Variants in COL25A1 observed in about 807,000 individuals in gnomAD.
COL25A1 encodes collagen alpha-1(XXV) chain.
COL25A1 carries 103 observed loss-of-function variants against 128.4 expected under a neutral mutation model. The observed-to-expected ratio is 0.80, with a 90% CI of 0.68 to 0.94. COL25A1 has a LOEUF of 0.94. COL25A1 is among the 40% of genes least tolerant of loss of function. The probability of loss-of-function intolerance (pLI) is 0.00; values close to 1 mark genes in which losing one functional copy is unlikely to be tolerated. For synonymous variants in COL25A1, 279 were observed against 277.2 expected (o/e 1.01, Z -0.06); for missense variants, 745 against 840.0 (o/e 0.89, Z 1.40).
chr4:108,935,016 C>A (rs1206255474), intron 11 of COL25A1, among the ~76,000 whole-genome samples: 1 of 152,184 alleles, frequency 6.6e-6, no homozygotes, highest in East Asian at 1.9e-4. Flanking sequence ...CCCTCCTTCA[C>A]AGATGAGAAA....
intron 3 of COL25A1, among the ~76,000 whole-genome samples, chr4:109,249,683 C>T (rs995291866): frequency 9.9e-5 from 15 of 152,120 alleles, no homozygotes; most frequent in African/African-American, 3.6e-4. Flanking sequence ...CCTACTTAAG[C>T]TTTCTAGATG....
intron 3 of COL25A1, among the ~76,000 whole-genome samples, chr4:109,282,989 G>T (rs1723526844): frequency 6.6e-6 from 1 of 150,954 alleles, no homozygotes; most frequent in Non-Finnish European, 1.5e-5. Context: ...AAGAAAAAAA[G>T]GATAAAGATC....
intron 6 of COL25A1, among the ~76,000 whole-genome samples, chr4:108,985,282 C>T (rs1468358959): frequency 6.6e-6 from 1 of 152,194 alleles, no homozygotes; most frequent in Non-Finnish European, 1.5e-5. Context: ...CTTTTTCTCA[C>T]TTGTCTCTTC....
At chr4:109,010,744 A>C (rs1261318156) in intron 5 of COL25A1, among the ~76,000 whole-genome samples, 1 of 152,222 alleles carries the variant, frequency 6.6e-6, no homozygotes, top group Non-Finnish European at 1.5e-5. Flanking sequence ...CCAAACTATG[A>C]GCTATTCAAA....
At chr4:109,039,709 C>T (rs1191605716) in intron 5 of COL25A1, among the ~76,000 whole-genome samples, 1 of 152,194 alleles carries the variant, frequency 6.6e-6, no homozygotes, top group Non-Finnish European at 1.5e-5. Flanking sequence ...CATTTATCCT[C>T]ATCGTATAGC....
intron 3 of COL25A1, among the ~76,000 whole-genome samples, chr4:109,158,314 TAA>T (rs533170285): frequency 4.4e-5 from 6 of 137,106 alleles, no homozygotes; most frequent in African/African-American, 2.7e-5. Context: ...GTTTTAAAGA[TAA>T]AAAAAAAAAA....
intron 5 of COL25A1, among the ~76,000 whole-genome samples, chr4:109,045,215 T>A (rs1297724731): frequency 2.0e-5 from 3 of 152,188 alleles, no homozygotes; most frequent in African/African-American, 7.2e-5. Flanking sequence ...CCATTTGTGT[T>A]ATCAGTAAGG....
chr4:109,038,090 A>G (rs1024473447), intron 5 of COL25A1, among the ~76,000 whole-genome samples: 1 of 152,202 alleles, frequency 6.6e-6, no homozygotes, highest in Non-Finnish European at 1.5e-5. Flanking sequence ...TAGAACTTGA[A>G]GAGGTGTCTG....
chr4:108,876,912 T>TA (rs1281775244), intron 19 of COL25A1, among the ~76,000 whole-genome samples: 6 of 152,308 alleles, frequency 3.9e-5, no homozygotes, highest in Non-Finnish European at 1.5e-5. Context: ...ATCAATGAGT[T>TA]AAAAAACCAG....
In COL25A1 at chr4:108,859,658, G is replaced by A; in HGVS notation, c.1318C>T (p.Gln440Ter). The A allele has an allele frequency of 6.2e-7, 1 of 1,613,444 alleles. No homozygotes were observed. The highest frequency in any genetic ancestry group is 8.5e-7 in the Non-Finnish European group (1 of 1,179,708). Residue 440 changes from glutamine to a stop codon, truncating the protein, a stop_gained and splice_region_variant, in exon 24 of 38, where the codon CAG becomes TAG. Coordinates refer to ENST00000399132, the MANE Select transcript of COL25A1 (RefSeq NM_198721.4). LOFTEE classifies it high-confidence loss of function. The part of the protein sequence containing the change: ...DYNGNLHEAL[Q>*]RITTLTVTGP... ...CAGGGCAGGGACCAGTCACTTGCCT[G>A]TAAGGCTTCGTGGAGGTTGCCGTTG...
At chr4:108,849,598 A>G (rs1735537681) in intron 26 of COL25A1, among the ~76,000 whole-genome samples, 2 of 152,202 alleles carry the variant, frequency 1.3e-5, no homozygotes, top group Admixed American at 6.5e-5. Flanking sequence ...TTGAAAGGTG[A>G]CTAAATAAAT....
At chr4:109,281,160 T>C (rs563653178) in intron 3 of COL25A1, among the ~76,000 whole-genome samples, 6 of 152,290 alleles carry the variant, frequency 3.9e-5, no homozygotes, top group African/African-American at 1.4e-4. Context: ...TAAATAAGTG[T>C]AGTTAACTAC....
intron 8 of COL25A1, among the ~76,000 whole-genome samples, chr4:108,947,524 T>C (rs983282276): frequency 2.0e-5 from 3 of 151,882 alleles, no homozygotes; most frequent in East Asian, 1.9e-4. Context: ...TGAAGTCACC[T>C]AGGGAGGCTG....
intron 3 of COL25A1, among the ~76,000 whole-genome samples, chr4:109,064,242 T>C (rs1762223301): frequency 6.6e-6 from 1 of 152,236 alleles, no homozygotes; most frequent in Non-Finnish European, 1.5e-5. Flanking sequence ...TATTGGCATA[T>C]TTATATGAAT....
chr4:108,938,489 G>A (rs1334493917), intron 10 of COL25A1, among the ~76,000 whole-genome samples: 2 of 152,246 alleles, frequency 1.3e-5, no homozygotes, highest in African/African-American at 4.8e-5. Context: ...GAGGCAGGAG[G>A]ACTGTGTGAG....
At chr4:109,241,038 C>T (rs187298269) in intron 3 of COL25A1, among the ~76,000 whole-genome samples, 34 of 152,134 alleles carry the variant, frequency 2.2e-4, no homozygotes, top group Non-Finnish European at 4.4e-5. Flanking sequence ...CTACACAATG[C>T]CTCTGTCATC....
At chr4:108,844,849 A>G (rs1041967977) in intron 29 of COL25A1, among the ~76,000 whole-genome samples, 1 of 152,238 alleles carries the variant, frequency 6.6e-6, no homozygotes, top group Non-Finnish European at 1.5e-5. Context: ...TGTCACTACT[A>G]TCAAACTCAA....
rs76681956 is a variant in COL25A1 at position 109,209,446 on chromosome 4, C to T, written c.367+91137G>A. On this transcript the variant is annotated intron_variant, in intron 3 of 37. Transcript: ENST00000399132. The stretch of plus-strand genomic sequence containing the variant: ...ATGAGAGTTTCTCTCAATAAAAATA[C>T]AGGCAACATTAAAATGTAAAATTAA... Among the ~76,000 whole-genome samples the T allele has an allele frequency of 0.011, 1,745 of 152,120 alleles. 60 individuals are homozygous for T. The South Asian group carries it at 0.14, about 12-fold the overall frequency.
chr4:109,241,417 C>A (rs1428152439), intron 3 of COL25A1, among the ~76,000 whole-genome samples: 2 of 151,924 alleles, frequency 1.3e-5, no homozygotes, highest in Non-Finnish European at 2.9e-5. Flanking sequence ...CTTCTTTGTG[C>A]AATCTTTAAA....
Sources: allele counts gnomAD v4.1 joint callset (sites outside exome capture counted in the v4.1 genomes callset), GRCh38; gene constraint gnomAD v4.1.1; transcripts MANE v1.5; gene names NCBI Gene and HGNC (gene_info 2026-07-23, HGNC 2026-07-21).